The following CNGB3 variants were observed in gnomAD, a reference collection of about 807,000 sequenced individuals.
The protein encoded by CNGB3 is cyclic nucleotide-gated channel beta-3.
CNGB3 carries 86 observed loss-of-function variants against 92.8 expected under a neutral mutation model. That is an observed-to-expected ratio of 0.93 (90% CI 0.78 to 1.11). The LOEUF is 1.11. Ranked by LOEUF, CNGB3 falls within the 50% of genes least tolerant of loss-of-function variation. CNGB3 has a pLI of 0.00. For missense variants in CNGB3, 1,026 were observed against 956.8 expected (o/e 1.07, Z -0.95); for synonymous variants, 333 against 332.7 (o/e 1.00, Z -0.01).
At chr8:86,621,864 A>T (rs1238680973) in intron 13 of CNGB3, among the ~76,000 whole-genome samples, 5 of 152,156 alleles carry the variant, frequency 3.3e-5, no homozygotes, top group Non-Finnish European at 5.9e-5. Context: ...AGAGATTAAG[A>T]CCATCCTGGC....
chr8:86,733,855 T>C (rs567261814), intron 2 of CNGB3, among the ~76,000 whole-genome samples: 1 of 152,316 alleles, frequency 6.6e-6, no homozygotes, highest in South Asian at 2.1e-4. Flanking sequence ...AACTGGACTT[T>C]ATTTTATATT....
chr8:86,720,066 C>G (rs1324668863), intron 3 of CNGB3, among the ~76,000 whole-genome samples: 2 of 152,098 alleles, frequency 1.3e-5, no homozygotes, highest in African/African-American at 4.8e-5. Flanking sequence ...ATCAGAAAAA[C>G]CCTTCTAGAC....
chr8:86,716,925 G>A (rs1225640538), intron 3 of CNGB3, among the ~76,000 whole-genome samples: 1 of 152,108 alleles, frequency 6.6e-6, no homozygotes, highest in Non-Finnish European at 1.5e-5. Flanking sequence ...ATACAGAATG[G>A]CAGAATGGAT....
At chr8:86,637,651 A>G (rs571319465) in intron 10 of CNGB3, among the ~76,000 whole-genome samples, 7 of 152,256 alleles carry the variant, frequency 4.6e-5, no homozygotes, top group African/African-American at 1.4e-4. Flanking sequence ...TGCAGTTTTC[A>G]GTGTACAAGT....
At position 86,647,630 on chromosome 8, in the gene CNGB3, C is replaced by A. The variant is rs565324671; in HGVS notation, c.990+171G>T. Among the ~76,000 whole-genome samples, 70 of 150,284 alleles carry A rather than the reference C, an allele frequency of 4.7e-4. 2 individuals carry two copies. In the South Asian group the frequency reaches 0.014, roughly 29 times the overall value. ...ACCAGTAGACATTTTTTTCTTCATT[C>A]ATTAAAAAAAATTATAGCATTGATG... On this transcript the variant is annotated intron_variant, in intron 8 of 17. Transcript: ENST00000320005.
At position 86,594,695 on chromosome 8, in the gene CNGB3, T is replaced by TTTTGTTTGTTTGTTTGTTTG. The variant is rs59438172; in HGVS notation, c.1781+9378_1781+9397dup. On this transcript the variant is annotated intron_variant, in intron 15 of 17. Transcript: ENST00000320005. ...GCTTGCCCCTGGCTTTAGACAGCTT[T>TTTTGTTTGTTTGTTTGTTTG]TTTGTTTGTTTGTTTGTTTGTTTGT... The TTTTGTTTGTTTGTTTGTTTG allele has an allele frequency of 5.3e-4, 89 of 166,694 alleles. 1 individual carries two copies. The highest frequency in any genetic ancestry group is 2.1e-3 in the South Asian group (15 of 6,994). The allele number at this position is 166,694 out of a possible 1,614,324, so 10.3% of individuals were successfully genotyped here. A position where few individuals can be genotyped will look rare whatever the true frequency, so the allele number is the denominator to read the frequency against.
rs200363519 is a variant in CNGB3, at chr8:86,712,563, T to G, written c.338+13968A>C. On this transcript the variant is annotated intron_variant, in intron 3 of 17. Transcript: ENST00000320005. ...TAAATCCACCTTTTTCCTACAGATT[T>G]TAGATGTTAACCTTAATATACTATA... Among the ~76,000 whole-genome samples, 18 of 152,260 alleles carry G rather than the reference T, an allele frequency of 1.2e-4. No individual in the cohort carries two copies. In the East Asian group the frequency reaches 3.5e-3, roughly 29 times the overall value.
rs900023481 is a variant in CNGB3 at position 86,663,532 on chromosome 8, G to T, written c.852+3393C>A. Among the ~76,000 whole-genome samples the T allele has an allele frequency of 4.6e-5, 7 of 152,050 alleles. No homozygotes were observed. The South Asian group carries it at 1.0e-3, about 23-fold the overall frequency. ...TGCTTATTTTCCTTCAAGGCCTTGG[G>T]GAATTCATATTTCCATCCTCCAGTT... On this transcript the variant is annotated intron_variant, in intron 6 of 17. Coordinates refer to ENST00000320005, the MANE Select transcript of CNGB3 (RefSeq NM_019098.5).
chr8:86,631,298 CTA>C (rs922833127), intron 11 of CNGB3, among the ~76,000 whole-genome samples: 1 of 152,148 alleles, frequency 6.6e-6, no homozygotes, highest in Non-Finnish European at 1.5e-5. Context: ...AAAGATTACA[CTA>C]TGAGTAACAA....
At chr8:86,577,268 C>T (rs1821679027) in intron 17 of CNGB3, among the ~76,000 whole-genome samples, 1 of 152,124 alleles carries the variant, frequency 6.6e-6, no homozygotes, top group East Asian at 1.9e-4. Flanking sequence ...TGATCTTATC[C>T]AAATCCCTTG....
rs1469440848 is a variant in CNGB3, at chr8:86,614,022, G to GTA, written c.1579-2353_1579-2352dup. 4.0e-5 allele frequency among the ~76,000 whole-genome samples: 6 copies of GTA among 150,228 alleles called. No homozygotes were observed. In the South Asian group the frequency reaches 8.4e-4, roughly 21 times the overall value. On this transcript the variant is annotated intron_variant, in intron 13 of 17. Transcript: ENST00000320005. ...TACTGCCACAGTAATCAGAATATAT[G>GTA]TATATATACACACACACAAATATGT...
chr8:86,728,312 G>A (rs1825098288), intron 2 of CNGB3, among the ~76,000 whole-genome samples: 1 of 151,900 alleles, frequency 6.6e-6, no homozygotes, highest in African/African-American at 2.4e-5. Flanking sequence ...AGGCACATGT[G>A]GTACACTAAT....
At chr8:86,665,507 GA>G (rs1823724952) in intron 6 of CNGB3, among the ~76,000 whole-genome samples, 1 of 132,186 alleles carries the variant, frequency 7.6e-6, no homozygotes, top group Non-Finnish European at 1.6e-5. Context: ...GCAAAGACAT[GA>G]AATCATTCTA....
At chr8:86,693,975 T>C (rs1824374783) in intron 3 of CNGB3, among the ~76,000 whole-genome samples, 1 of 149,832 alleles carries the variant, frequency 6.7e-6, no homozygotes, top group Non-Finnish European at 1.5e-5. Flanking sequence ...ACCTACCAGA[T>C]GGGGTGGTGG....
At chr8:86,697,262 C>G (rs937894842) in intron 3 of CNGB3, among the ~76,000 whole-genome samples, 3 of 152,194 alleles carry the variant, frequency 2.0e-5, no homozygotes, top group African/African-American at 7.2e-5. Flanking sequence ...TTTCAATTTA[C>G]TACTCTTTAT....
At chr8:86,582,152 T>G (rs1821799212) in intron 15 of CNGB3, among the ~76,000 whole-genome samples, 1 of 152,088 alleles carries the variant, frequency 6.6e-6, no homozygotes, top group Non-Finnish European at 1.5e-5. Context: ...CCCAGCACTT[T>G]GGAAGGCTGA....
chr8:86,629,384 C>T lies in CNGB3; in HGVS notation c.1321-306G>A, dbSNP rs146939633. ...AGGACAAACCAAGTGAGAATTCAGC[C>T]ATGTAATGCATAGGACTACACATAG... On this transcript the variant is annotated intron_variant, in intron 11 of 17. Coordinates refer to ENST00000320005, the MANE Select transcript of CNGB3 (RefSeq NM_019098.5). Among the ~76,000 whole-genome samples the T allele has an allele frequency of 1.3e-3, 202 of 152,244 alleles. 1 individual carries two copies. The highest frequency in any genetic ancestry group is 4.7e-3 in the African/African-American group (195 of 41,546).
At chr8:86,740,696 G>A (rs547988696) in intron 1 of CNGB3, among the ~76,000 whole-genome samples, 3 of 152,216 alleles carry the variant, frequency 2.0e-5, no homozygotes, top group African/African-American at 4.8e-5. Context: ...TTTCATAGAA[G>A]CATTTTAAAC....
At chr8:86,635,865 C>T (rs1561687) in intron 10 of CNGB3, among the ~76,000 whole-genome samples, 8,892 of 58,422 alleles carry the variant, frequency 0.15, 516 homozygotes, top group African/African-American at 0.22. Context: ...TATATATATA[C>T]ACATACACAT....
Sources: allele counts gnomAD v4.1 joint callset (sites outside exome capture counted in the v4.1 genomes callset), GRCh38; gene constraint gnomAD v4.1.1; transcripts MANE v1.5; gene names NCBI Gene and HGNC (gene_info 2026-07-23, HGNC 2026-07-21).